MYO10: variants seen among roughly 807,000 people sequenced by gnomAD.
MYO10 encodes the protein myosin X.
In MYO10, 133 loss-of-function variants were observed where a neutral mutation model predicts 257.3. That is an observed-to-expected ratio of 0.52 (90% CI 0.45 to 0.60). MYO10 has a LOEUF of 0.60. Ranked by LOEUF, MYO10 falls within the 20% of genes least tolerant of loss-of-function variation. The pLI, the probability that MYO10 is intolerant of heterozygous loss-of-function variation, is 0.00. For missense variants in MYO10, 2,399 were observed against 2,635.7 expected, an observed-to-expected ratio of 0.91 and a Z score of 1.97; for synonymous variants, 1,104 against 1,028.6, an observed-to-expected ratio of 1.07 and a Z score of -1.40.
chr5:16,665,839 A>G lies in MYO10; in HGVS notation c.*853T>C, dbSNP rs1736140831. 1.3e-5 allele frequency: 2 copies of G among 152,666 alleles called. No individual in the cohort carries two copies. Among genetic ancestry groups the G allele is most frequent in the Non-Finnish European group, 2.9e-5 (2 of 68,046 alleles). 9.5% of individuals were successfully genotyped at this position (152,666 alleles called of 1,614,324 possible). On this transcript the variant is annotated 3_prime_UTR_variant, in exon 41 of 41. Coordinates refer to ENST00000513610, the MANE Select transcript of MYO10 (RefSeq NM_012334.3). ...TCTTGTAGGCTGCTTATCTGTTTAT[A>G]ATACAGCAGACACAGATGGCAGACT...
chr5:16,854,537 G>A (rs1050304995), intron 2 of MYO10, among the ~76,000 whole-genome samples: 6 of 152,170 alleles, frequency 3.9e-5, no homozygotes, highest in Non-Finnish European at 7.3e-5. Context: ...CAAGGCTGGG[G>A]GAGGAGTGAG....
chr5:16,877,129 C>T (rs1744625444), intron 2 of MYO10, among the ~76,000 whole-genome samples: 1 of 149,242 alleles, frequency 6.7e-6, no homozygotes, highest in African/African-American at 2.6e-5. Flanking sequence ...GGCTCCAGAA[C>T]TGTGACATCG....
chr5:16,760,976 ATT>A (rs1311089666), intron 17 of MYO10, among the ~76,000 whole-genome samples: 11 of 150,728 alleles, frequency 7.3e-5, no homozygotes, highest in African/African-American at 2.7e-4. Flanking sequence ...TATTATTATT[ATT>A]ATTAATTTAT....
rs1483534417 is a variant in MYO10, at chr5:16,671,539, C to T, written c.5313G>A (p.Leu1771=). 1 of 1,613,930 alleles carries T rather than the reference C, an allele frequency of 6.2e-7. No homozygotes were observed. The highest frequency in any genetic ancestry group is 8.5e-7 in the Non-Finnish European group (1 of 1,179,866). Residue 1771 remains leucine (L), a synonymous_variant, in exon 38 of 41, where the codon CTG becomes CTA. Coordinates refer to ENST00000513610, the MANE Select transcript of MYO10 (RefSeq NM_012334.3). The stretch of plus-strand genomic sequence containing the variant: ...GGTCCCCAACCTCGGATGTGGCAGC[C>T]AGCCTACAGAGAGGAGTCAAGAGAG... The part of the protein sequence containing the change: ...VADVLAKFEK[L]AATSEVGDLP...
intron 40 of MYO10, 25 bp from the exon 41 acceptor site, chr5:16,666,818 C>G: frequency 6.4e-7 from 1 of 1,555,410 alleles, no homozygotes; most frequent in East Asian, 2.3e-5. Flanking sequence ...GCAGAACCGA[C>G]ACAGCGTCAC....
intron 30 of MYO10, among the ~76,000 whole-genome samples, chr5:16,683,185 C>T (rs1036934359): frequency 6.6e-6 from 1 of 152,172 alleles, no homozygotes; most frequent in African/African-American, 2.4e-5. Context: ...AATTTTAACA[C>T]ACTCGTATTC....
intron 28 of MYO10, 30 bp from the exon 29 acceptor site, chr5:16,685,861 A>C: frequency 6.5e-7 from 1 of 1,550,102 alleles, no homozygotes; most frequent in Non-Finnish European, 8.8e-7. Flanking sequence ...ACTGTCAAGG[A>C]GAGGCCAACC....
intron 19 of MYO10, among the ~76,000 whole-genome samples, chr5:16,718,196 AG>A (rs1176274353): frequency 2.0e-4 from 31 of 152,312 alleles, no homozygotes; most frequent in African/African-American, 7.5e-4. Flanking sequence ...CCGTGGAGCA[AG>A]GCTCGGGACC....
chr5:16,900,026 A>G (rs951239120), intron 1 of MYO10, among the ~76,000 whole-genome samples: 2 of 135,932 alleles, frequency 1.5e-5, no homozygotes, highest in African/African-American at 5.3e-5. Context: ...AAAAAAAAAG[A>G]TTTAAACAGC....
intron 3 of MYO10, among the ~76,000 whole-genome samples, chr5:16,809,467 G>T (rs1580013407): frequency 6.6e-6 from 1 of 152,210 alleles, no homozygotes; most frequent in East Asian, 1.9e-4. Flanking sequence ...TCCACGGCAG[G>T]GTATGCCCAG....
Position 16,675,035 on chromosome 5 carries a change from C to G in MYO10, c.4782G>C (p.Gln1594His), listed in dbSNP as rs35612168. ...DPIPIIQGIL[Q>H]TGHDLRPLRD... ...GCAGAGGTCGCAGGTCATGCCCTGT[C>G]TGTAGGATGCCCTGGATTATTGGAA... The change falls in exon 35 of 41, where the codon CAG (glutamine) becomes CAC (histidine). Residue 1594 changes from glutamine to histidine, a missense_variant. Coordinates refer to ENST00000513610, the MANE Select transcript of MYO10 (RefSeq NM_012334.3). 4 of 1,613,816 alleles carry G rather than the reference C, an allele frequency of 2.5e-6. No individual in the cohort carries two copies. Among genetic ancestry groups the G allele is most frequent in the Non-Finnish European group, 8.5e-7 (1 of 1,179,886 alleles).
rs932703649 is a variant in MYO10, at chr5:16,731,258, T to C, written c.1930-20013A>G. On this transcript the variant is annotated intron_variant, in intron 19 of 40. Transcript: ENST00000513610. ...TGGGAGTTCACCATCTTGGCCAGGC[T>C]GGTCTTGAACTCCTGACCTCATGAG... 2.6e-5 allele frequency among the ~76,000 whole-genome samples: 4 copies of C among 152,152 alleles called. No homozygotes were observed. In the East Asian group the frequency reaches 7.8e-4, roughly 30 times the overall value.
rs1021214658 is a variant in MYO10, at chr5:16,904,597, G to A, written c.22-26890C>T. Among the ~76,000 whole-genome samples, 5 of 152,322 alleles carry A rather than the reference G, an allele frequency of 3.3e-5. 1 individual carries two copies. The highest frequency in any genetic ancestry group is 4.1e-4 in the South Asian group (2 of 4,824). On this transcript the variant is annotated intron_variant, in intron 1 of 40. Transcript: ENST00000513610. ...CTGCAGAACTGATTGCTTGCCTGGT[G>A]TCTGGGGAACCCCTCACCCCACAAC...
chr5:16,783,591 C>T, intron 4 of MYO10, 122 bp from the exon 5 acceptor site: 2 of 1,097,042 alleles, frequency 1.8e-6, no homozygotes, highest in South Asian at 3.0e-5. Flanking sequence ...AGAGGGAGAT[C>T]AAAATGCCTG....
At chr5:16,899,265 C>A (rs1745308032) in intron 1 of MYO10, among the ~76,000 whole-genome samples, 2 of 152,112 alleles carry the variant, frequency 1.3e-5, no homozygotes, top group African/African-American at 4.8e-5. Context: ...ACCAACCTGC[C>A]TCATCCTAAT....
chr5:16,935,732 G>C, intron 1 of MYO10, 56 bp downstream of exon 1: 1 of 1,606,762 alleles, frequency 6.2e-7, no homozygotes, highest in Admixed American at 1.7e-5. Flanking sequence ...GGCGTGGTGG[G>C]CAGACGCCTC....
intron 1 of MYO10, among the ~76,000 whole-genome samples, chr5:16,879,489 G>C (rs1227728449): frequency 2.0e-5 from 3 of 152,140 alleles, no homozygotes; most frequent in African/African-American, 4.8e-5. Flanking sequence ...CATGTGCTAA[G>C]AAGTCTCAAT....
At chr5:16,744,536 C>G (rs935243687) in intron 19 of MYO10, among the ~76,000 whole-genome samples, 132 of 152,244 alleles carry the variant, frequency 8.7e-4, no homozygotes, top group African/African-American at 3.0e-3. Context: ...CCAGAGCACC[C>G]CGACACCCTG....
intron 4 of MYO10, among the ~76,000 whole-genome samples, chr5:16,784,005 A>C (rs1560982782): frequency 6.6e-6 from 1 of 152,224 alleles, no homozygotes; most frequent in African/African-American, 2.4e-5. Flanking sequence ...AGCATGGCTG[A>C]GTGTCCGAGT....
Sources: allele counts gnomAD v4.1 joint callset (sites outside exome capture counted in the v4.1 genomes callset), GRCh38; gene constraint gnomAD v4.1.1; transcripts MANE v1.5; gene names NCBI Gene and HGNC (gene_info 2026-07-23, HGNC 2026-07-21).